RPTOR: variants seen among roughly 807,000 people sequenced by gnomAD.
RPTOR encodes the protein regulatory-associated protein of mTOR.
In RPTOR, 21 loss-of-function variants were observed where a neutral mutation model predicts 169.9. The ratio of observed to expected loss-of-function variants is 0.12; its 90% CI spans 0.09 to 0.18. The LOEUF (loss-of-function observed/expected upper bound fraction) is 0.18, where lower values mean the gene tolerates loss of function less well. Ranked by LOEUF, RPTOR falls within the 10% of genes least tolerant of loss-of-function variation. The pLI is 1.00. For synonymous variants in RPTOR, 732 were observed against 753.2 expected, an observed-to-expected ratio of 0.97 and a Z score of 0.46; for missense variants, 1,133 against 1,855.9, an observed-to-expected ratio of 0.61 and a Z score of 7.16.
chr17:80,913,027 CGTGT>C (rs147211870), intron 21 of RPTOR, among the ~76,000 whole-genome samples: 2 of 151,900 alleles, frequency 1.3e-5, no homozygotes, highest in South Asian at 2.1e-4. Context: ...TGTGTGCACG[CGTGT>C]GTGTGTGTCT....
intron 6 of RPTOR, among the ~76,000 whole-genome samples, chr17:80,760,780 C>T (rs2066729668): frequency 6.6e-6 from 1 of 152,146 alleles, no homozygotes; most frequent in African/African-American, 2.4e-5. Flanking sequence ...GGATTCCCTC[C>T]CTCCCTCCCT....
chr17:80,590,631 C>T (rs1005240532), intron 1 of RPTOR, among the ~76,000 whole-genome samples: 2 of 152,030 alleles, frequency 1.3e-5, no homozygotes, highest in Non-Finnish European at 2.9e-5. Flanking sequence ...TGCAGGTATG[C>T]GCACATGCGT....
chr17:80,854,736 A>T (rs1426258006), intron 11 of RPTOR, among the ~76,000 whole-genome samples: 1 of 152,188 alleles, frequency 6.6e-6, no homozygotes, highest in Non-Finnish European at 1.5e-5. Context: ...TCTATAAAAA[A>T]TACAAAAATT....
intron 7 of RPTOR, among the ~76,000 whole-genome samples, chr17:80,816,842 A>G (rs573211856): frequency 2.0e-5 from 3 of 152,314 alleles, no homozygotes; most frequent in East Asian, 3.9e-4. Flanking sequence ...GTAGACAGGC[A>G]TAAGGCCCCA....
At chr17:80,734,617 G>A (rs1036887629) in intron 5 of RPTOR, among the ~76,000 whole-genome samples, 106 of 152,314 alleles carry the variant, frequency 7.0e-4, no homozygotes, top group African/African-American at 2.2e-3. Flanking sequence ...ATCCTTAGCC[G>A]ACTGGCTTTA....
In RPTOR at chr17:80,860,140, C is replaced by T. The variant is rs755468497; in HGVS notation, c.1509+2240C>T. Among the ~76,000 whole-genome samples the T allele has an allele frequency of 6.6e-5, 10 of 152,208 alleles. No individual in the cohort carries two copies. The highest frequency in any genetic ancestry group is 1.2e-4 in the Non-Finnish European group (8 of 68,024). ...GGCTCCTGCCTGCTGCCCGGCGCTC[C>T]CCAGGCCACATTCTGTCAGCTCCTC... On this transcript the variant is annotated intron_variant, in intron 13 of 33. Coordinates refer to ENST00000306801, the MANE Select transcript of RPTOR (RefSeq NM_020761.3). The surrounding 1 kb of genome is among the most constrained non-coding windows in gnomAD (Gnocchi z 5.8).
chr17:80,922,726 C>T lies in RPTOR; in HGVS notation c.2523C>T (p.Ala841=). The part of the protein sequence containing the change: ...MKVLNSIAYK[A]TVNARPQRVL... ...CACCCCCATTCCTTTGCCCCTAGGCCACCGTGAACGCCCGGCCGCAGCGCG... is the reference window on the plus strand; with the variant it reads ...CACCCCCATTCCTTTGCCCCTAGGCTACCGTGAACGCCCGGCCGCAGCGCG... Residue 841 remains alanine, a splice_region_variant and synonymous_variant, in exon 22 of 34, where the codon GCC becomes GCT. Coordinates refer to ENST00000306801, the MANE Select transcript of RPTOR (RefSeq NM_020761.3). 1 of 1,585,588 alleles carries T rather than the reference C, an allele frequency of 6.3e-7. No homozygotes were observed. Among genetic ancestry groups the T allele is most frequent in the Non-Finnish European group, 8.6e-7 (1 of 1,169,148 alleles).
chr17:80,950,566 G>A (rs2069162689), intron 28 of RPTOR, among the ~76,000 whole-genome samples: 2 of 151,940 alleles, frequency 1.3e-5, no homozygotes, highest in African/African-American at 4.8e-5. Context: ...TCCACACCCC[G>A]CACTCCGTGG....
chr17:80,584,877 T>C (rs1355695814), intron 1 of RPTOR, among the ~76,000 whole-genome samples: 1 of 152,248 alleles, frequency 6.6e-6, no homozygotes, highest in African/African-American at 2.4e-5. Flanking sequence ...ATCTTGGATG[T>C]GTTGGGTATT....
chr17:80,759,343 G>C (rs1429263936), intron 6 of RPTOR, among the ~76,000 whole-genome samples: 1 of 152,170 alleles, frequency 6.6e-6, no homozygotes, highest in African/African-American at 2.4e-5. Flanking sequence ...CCTTGTAGGA[G>C]TTAGGACATA....
At chr17:80,834,212 G>T (rs4270238) in intron 9 of RPTOR, among the ~76,000 whole-genome samples, 73,792 of 152,148 alleles carry the variant, frequency 0.49, 20,250 homozygotes, top group Non-Finnish European at 0.61. Flanking sequence ...CCGAGCTGTG[G>T]CTTGAGGTTC....
intron 1 of RPTOR, among the ~76,000 whole-genome samples, chr17:80,613,921 C>T (rs1287653090): frequency 6.6e-6 from 1 of 152,266 alleles, no homozygotes; most frequent in Non-Finnish European, 1.5e-5. Flanking sequence ...ATCATCTCTG[C>T]ACCCAGATGT....
In RPTOR at chr17:80,962,982, C is replaced by G. The variant is rs764921496; in HGVS notation, c.3864C>G (p.Asn1288Lys). Residue 1288 changes from asparagine to lysine, a missense_variant, in exon 33 of 34, where the codon AAC (asparagine) becomes AAG (lysine). Transcript: ENST00000306801. ...ACAACAGCAGCGGAGAGCTCATCAA[C>G]AACATCAAGTACTACGACGGCTTCA... Reference protein sequence around the residue: ...AIYNSSGELINNIKYYDGFMG... With the variant: ...AIYNSSGELIKNIKYYDGFMG... 9.9e-6 allele frequency: 16 copies of G among 1,613,390 alleles called. No homozygotes were observed. In the South Asian group the frequency reaches 1.8e-4, roughly 18 times the overall value.
chr17:80,927,883 G>A (rs969475385), intron 24 of RPTOR, among the ~76,000 whole-genome samples: 2 of 152,024 alleles, frequency 1.3e-5, no homozygotes, highest in African/African-American at 4.8e-5. Flanking sequence ...GCACGGAGGA[G>A]CTGGAGGGTG....
At chr17:80,682,115 C>CT (rs1555606432) in intron 3 of RPTOR, among the ~76,000 whole-genome samples, 2 of 62,892 alleles carry the variant, frequency 3.2e-5, no homozygotes, top group Non-Finnish European at 6.5e-5. Flanking sequence ...GGTCCCCCCC[C>CT]CCACCCCAAA....
At chr17:80,958,383 A>G (rs1338274646) in intron 29 of RPTOR, among the ~76,000 whole-genome samples, 3 of 149,814 alleles carry the variant, frequency 2.0e-5, no homozygotes, top group East Asian at 2.0e-4. Context: ...GAGCCGCTAC[A>G]GAAGACAGAA....
At chr17:80,647,752 C>T (rs764386160) in intron 3 of RPTOR, among the ~76,000 whole-genome samples, 3 of 152,086 alleles carry the variant, frequency 2.0e-5, no homozygotes, top group African/African-American at 7.2e-5. Context: ...CATGGAGCCA[C>T]GTTGTTGTAG....
chr17:80,739,289 G>A (rs1396967143), intron 5 of RPTOR, among the ~76,000 whole-genome samples: 1 of 137,984 alleles, frequency 7.2e-6, no homozygotes, highest in Non-Finnish European at 1.6e-5. Context: ...TGGGAAGTAA[G>A]TGCTTTCACT....
chr17:80,609,119 C>G lies in RPTOR; in HGVS notation c.163-16572C>G, dbSNP rs2065249316. On this transcript the variant is annotated intron_variant, in intron 1 of 33. Coordinates refer to ENST00000306801, the MANE Select transcript of RPTOR (RefSeq NM_020761.3). This position sits in a 1 kb window ranked among gnomAD's most constrained non-coding sequence, Gnocchi z 4.8. ...GGAAGCATGGAGAGCACAGCGCGAC[C>G]CGTGTGGAGAGGGCATCACTAGCCT... Among the ~76,000 whole-genome samples the G allele has an allele frequency of 6.6e-6, 1 of 152,150 alleles. No homozygotes were observed. The highest frequency in any genetic ancestry group is 1.5e-5 in the Non-Finnish European group (1 of 68,018).
Sources: allele counts gnomAD v4.1 joint callset (sites outside exome capture counted in the v4.1 genomes callset), GRCh38; gene constraint gnomAD v4.1.1; non-coding constraint Gnocchi (gnomAD v3.1); transcripts MANE v1.5; gene names NCBI Gene and HGNC (gene_info 2026-07-23, HGNC 2026-07-21).